TLL2: variants seen among roughly 807,000 people sequenced by gnomAD.
TLL2 encodes tolloid like 2, also known as tolloid-like protein 2.
Under a neutral mutation model 123.0 loss-of-function variants are expected in TLL2, and 106 were observed. The ratio of observed to expected loss-of-function variants is 0.86; its 90% CI spans 0.74 to 1.01. TLL2 has a LOEUF of 1.01. TLL2 is among the 50% of genes least tolerant of loss of function. TLL2 has a pLI of 0.00. For synonymous variants in TLL2, 494 were observed against 516.8 expected, an observed-to-expected ratio of 0.96 and a Z score of 0.60; for missense variants, 1,332 against 1,336.7, an observed-to-expected ratio of 1.00 and a Z score of 0.06.
chr10:96,424,414 C>G (rs867878110), intron 5 of TLL2, among the ~76,000 whole-genome samples: 14 of 152,156 alleles, frequency 9.2e-5, no homozygotes, highest in Admixed American at 7.9e-4. Context: ...ATCAAAACAT[C>G]TCGGGTACCC....
At chr10:96,490,267 T>G (rs1847398756) in intron 1 of TLL2, among the ~76,000 whole-genome samples, 2 of 152,220 alleles carry the variant, frequency 1.3e-5, no homozygotes, top group South Asian at 2.1e-4. Flanking sequence ...AACCGTTAAC[T>G]CTTTCCAAAT....
At chr10:96,377,662 G>A (rs1173172001) in intron 17 of TLL2, among the ~76,000 whole-genome samples, 2 of 152,186 alleles carry the variant, frequency 1.3e-5, no homozygotes, top group Admixed American at 1.3e-4. Flanking sequence ...TCACAAACAC[G>A]GAGGCTCCAC....
intron 4 of TLL2, among the ~76,000 whole-genome samples, chr10:96,429,568 A>G (rs1564905627): frequency 6.6e-6 from 1 of 152,300 alleles, no homozygotes; most frequent in East Asian, 1.9e-4. Context: ...GTATTTTCCA[A>G]ACTTTTACAA....
At chr10:96,421,203 CTTG>C (rs1846617648) in intron 6 of TLL2, 142 bp from the exon 7 acceptor site, 1 of 620,742 alleles carries the variant, frequency 1.6e-6, no homozygotes, top group Admixed American at 2.9e-5. Context: ...TGTAGTGGTT[CTTG>C]TTGTTTTTAA....
At chr10:96,492,192 G>A (rs138756013) in intron 1 of TLL2, among the ~76,000 whole-genome samples, 1 of 151,614 alleles carries the variant, frequency 6.6e-6, no homozygotes, top group East Asian at 1.9e-4. Context: ...TCAAGAGGAG[G>A]CCATTTTGTC....
At chr10:96,450,505 C>G (rs1450893942) in intron 2 of TLL2, among the ~76,000 whole-genome samples, 1 of 152,146 alleles carries the variant, frequency 6.6e-6, no homozygotes, top group East Asian at 1.9e-4. Context: ...ATTTGCCACT[C>G]AGAGCACCCT....
At position 96,370,289 on chromosome 10, in the gene TLL2, C is replaced by CT; in HGVS notation, c.2688dup (p.Val897SerfsTer24). The CT allele has an allele frequency of 1.3e-6, 2 of 1,590,478 alleles. No individual in the cohort carries two copies. Among genetic ancestry groups the CT allele is most frequent in the Non-Finnish European group, 1.7e-6 (2 of 1,167,032 alleles). On this transcript the variant is annotated frameshift_variant, in exon 20 of 21. Coordinates refer to ENST00000357947, the MANE Select transcript of TLL2 (RefSeq NM_012465.4). LOFTEE classifies it high-confidence loss of function. Reference sequence around the variant, plus strand: ...TGGGAATAGAGCTCTTTGGTCTGCACTTCAGCCTTCAGCCTGCCCCCGCAC... The same window carrying CT: ...TGGGAATAGAGCTCTTTGGTCTGCACTTTCAGCCTTCAGCCTGCCCCCGCAC...
At chr10:96,492,699 G>A (rs929824564) in intron 1 of TLL2, among the ~76,000 whole-genome samples, 1 of 152,194 alleles carries the variant, frequency 6.6e-6, no homozygotes, top group African/African-American at 2.4e-5. Flanking sequence ...ACTAAGAAAT[G>A]CTGTTAAACC....
intron 2 of TLL2, among the ~76,000 whole-genome samples, chr10:96,464,208 AC>A (rs1409092278): frequency 7.2e-5 from 11 of 151,868 alleles, no homozygotes; most frequent in South Asian, 6.2e-4. Context: ...ACATGGTGAA[AC>A]CCCATCTCTA....
chr10:96,384,394 C>T (rs1182250843), intron 16 of TLL2, among the ~76,000 whole-genome samples, 193 bp downstream of exon 16: 2 of 152,128 alleles, frequency 1.3e-5, no homozygotes, highest in Non-Finnish European at 2.9e-5. Context: ...TTATGGCAGC[C>T]CTAGGAAACT....
intron 2 of TLL2, among the ~76,000 whole-genome samples, chr10:96,462,003 C>T (rs190927999): frequency 1.7e-4 from 26 of 152,374 alleles, no homozygotes; most frequent in East Asian, 5.8e-4. Context: ...TCACAGCAGA[C>T]GCTTACAAAA....
At chr10:96,491,121 C>A (rs1847408185) in intron 1 of TLL2, among the ~76,000 whole-genome samples, 1 of 152,134 alleles carries the variant, frequency 6.6e-6, no homozygotes, top group African/African-American at 2.4e-5. Context: ...TGGCTTTCGC[C>A]TATAATCCTA....
chr10:96,474,094 G>T (rs1391854286), intron 2 of TLL2, among the ~76,000 whole-genome samples: 1 of 152,080 alleles, frequency 6.6e-6, no homozygotes, highest in Non-Finnish European at 1.5e-5. Flanking sequence ...TTAATTCAAG[G>T]GCCCCATTCA....
At chr10:96,491,667 G>T (rs1847414846) in intron 1 of TLL2, among the ~76,000 whole-genome samples, 1 of 152,162 alleles carries the variant, frequency 6.6e-6, no homozygotes, top group Non-Finnish European at 1.5e-5. Context: ...AATGTAAAAG[G>T]TCTAGCTTTA....
rs1418407543 is a variant in TLL2 at position 96,373,593 on chromosome 10, TA to T, written c.2662+2del. 9.9e-6 allele frequency: 16 copies of T among 1,613,650 alleles called. No homozygotes were observed. The highest frequency in any genetic ancestry group is 1.4e-5 in the Non-Finnish European group (16 of 1,179,520). ...GTGGAAGCCAGTGTCCCACCCCAGG[TA>T]CCTGTGCTGTGCACTGCCTGGAAGC... is the stretch of plus-strand genomic sequence containing the variant. On this transcript the variant is annotated splice_donor_variant, in intron 19 of 20. Coordinates refer to ENST00000357947, the MANE Select transcript of TLL2 (RefSeq NM_012465.4). LOFTEE classifies it high-confidence loss of function.
At chr10:96,488,649 C>T (rs1847381187) in intron 1 of TLL2, among the ~76,000 whole-genome samples, 1 of 152,238 alleles carries the variant, frequency 6.6e-6, no homozygotes, top group Admixed American at 6.5e-5. Context: ...GGCTGCACCC[C>T]AGAACACAGG....
chr10:96,506,268 A>AAAG (rs1847578465), intron 1 of TLL2, among the ~76,000 whole-genome samples: 1 of 122,482 alleles, frequency 8.2e-6, no homozygotes, highest in African/African-American at 2.9e-5. Context: ...AAAAAAAAGA[A>AAAG]AAAAAAAAAA....
chr10:96,496,545 G>A (rs187199549), intron 1 of TLL2, among the ~76,000 whole-genome samples: 45 of 152,298 alleles, frequency 3.0e-4, no homozygotes, highest in African/African-American at 1.0e-3. Context: ...GAGCCAAGGG[G>A]GTCTGGCTGG....
rs1437901745 is a variant in TLL2 at position 96,492,453 on chromosome 10, G to A, written c.176-11994C>T. On this transcript the variant is annotated intron_variant, in intron 1 of 20. Coordinates refer to ENST00000357947, the MANE Select transcript of TLL2 (RefSeq NM_012465.4). The stretch of plus-strand genomic sequence containing the variant: ...AGCCTGACCAACATGGTGAAAACCC[G>A]TCTCTACTAAAAATACTAAAATTAG... Among the ~76,000 whole-genome samples the A allele has an allele frequency of 5.9e-5, 9 of 152,116 alleles. 1 individual carries two copies. The East Asian group carries it at 7.7e-4, about 13-fold the overall frequency.
Sources: gnomAD v4.1 joint callset for allele counts (sites outside exome capture counted in the v4.1 genomes callset) on GRCh38, gnomAD v4.1.1 for gene constraint, MANE v1.5 for transcripts, NCBI Gene and HGNC (gene_info 2026-07-23, HGNC 2026-07-21) for gene names.